PTCSC3: variants seen among roughly 807,000 people sequenced by gnomAD.
PTCSC3 encodes papillary thyroid carcinoma susceptibility candidate 3 (non-protein coding).
intron 3 of PTCSC3, among the ~76,000 whole-genome samples, chr14:36,145,210 G>T (rs1371226337): frequency 6.8e-6 from 1 of 147,808 alleles, no homozygotes; most frequent in African/African-American, 2.6e-5. Flanking sequence ...TTTTTCTGTT[G>T]ATTGGAATAG....
intron 1 of PTCSC3, chr14:36,164,030 A>C (rs1882033566): frequency 6.6e-6 from 1 of 152,234 alleles, no homozygotes; most frequent in Non-Finnish European, 1.5e-5. Flanking sequence ...TAATCAGGAC[A>C]GCAGAATTAC....
At chr14:36,151,668 C>CT (rs1881727572) in intron 3 of PTCSC3, among the ~76,000 whole-genome samples, 1 of 152,070 alleles carries the variant, frequency 6.6e-6, no homozygotes, top group East Asian at 1.9e-4. Context: ...AGTTCTTAGC[C>CT]TTTTTCTCCC....
At chr14:36,140,597 A>G (rs1297899834) in intron 3 of PTCSC3, among the ~76,000 whole-genome samples, 2 of 152,142 alleles carry the variant, frequency 1.3e-5, no homozygotes, top group Non-Finnish European at 2.9e-5. Context: ...TGCTGAACAT[A>G]TTTTCATATG....
At chr14:36,171,632 A>C (rs1882194409) in intron 1 of PTCSC3, among the ~76,000 whole-genome samples, 1 of 152,186 alleles carries the variant, frequency 6.6e-6, no homozygotes, top group African/African-American at 2.4e-5. Flanking sequence ...AAATGTGTAC[A>C]GTATTTGTAA....
intron 3 of PTCSC3, among the ~76,000 whole-genome samples, chr14:36,145,607 A>G (rs1438748239): frequency 1.0e-5 from 1 of 99,960 alleles, no homozygotes; most frequent in East Asian, 2.4e-4. Flanking sequence ...CTTTCAAAAA[A>G]CCAGCTCCTG....
chr14:36,144,824 A>G (rs373961823), intron 3 of PTCSC3, among the ~76,000 whole-genome samples: 1 of 14,490 alleles, frequency 6.9e-5, no homozygotes, highest in African/African-American at 2.4e-4. Context: ...ATTATTTTGA[A>G]ATACGTCCCA....
At chr14:36,176,703 C>T (rs1882294478), upstream of PTCSC3, among the ~76,000 whole-genome samples, 2 of 152,108 alleles carry the variant, frequency 1.3e-5, no homozygotes, top group Non-Finnish European at 2.9e-5. Flanking sequence ...TTCCTTCATG[C>T]CTGACGGTGA....
chr14:36,171,444 C>G (rs991798591), intron 1 of PTCSC3, among the ~76,000 whole-genome samples: 1 of 152,132 alleles, frequency 6.6e-6, no homozygotes, highest in Non-Finnish European at 1.5e-5. Flanking sequence ...ATCTGAATGT[C>G]ATTATTCTCC....
chr14:36,172,794 G>A (rs1261313771), intron 1 of PTCSC3, among the ~76,000 whole-genome samples: 1 of 151,984 alleles, frequency 6.6e-6, no homozygotes, highest in South Asian at 2.1e-4. Flanking sequence ...AGTAACTTAG[G>A]ATTTCTGTCA....
At chr14:36,166,135 C>T (rs1882082276) in intron 1 of PTCSC3, among the ~76,000 whole-genome samples, 1 of 146,330 alleles carries the variant, frequency 6.8e-6, no homozygotes, top group Non-Finnish European at 1.5e-5. Flanking sequence ...TCCATCCGTC[C>T]ACCTGTCTGT....
intron 3 of PTCSC3, among the ~76,000 whole-genome samples, chr14:36,151,146 T>C (rs1389669849): frequency 6.6e-6 from 1 of 152,208 alleles, no homozygotes; most frequent in African/African-American, 2.4e-5. Flanking sequence ...ATATTTTCAC[T>C]GGATATAGAA....
At chr14:36,164,035 A>C (rs564888205) in intron 1 of PTCSC3, 16 of 152,234 alleles carry the variant, frequency 1.1e-4, no homozygotes, top group Non-Finnish European at 2.2e-4. Context: ...AGGACAGCAG[A>C]ATTACAACAT....
intron 3 of PTCSC3, among the ~76,000 whole-genome samples, chr14:36,140,016 C>A (rs1247934112): frequency 6.6e-6 from 1 of 152,192 alleles, no homozygotes; most frequent in African/African-American, 2.4e-5. Flanking sequence ...AGAATCCATG[C>A]AACCATGGAC....
chr14:36,160,975 A>C (rs914903533), intron 2 of PTCSC3, among the ~76,000 whole-genome samples: 1 of 151,278 alleles, frequency 6.6e-6, no homozygotes, highest in African/African-American at 2.4e-5. Context: ...CATTAAGTTG[A>C]TCTTCAATCT....
intron 3 of PTCSC3, among the ~76,000 whole-genome samples, chr14:36,146,645 G>A (rs1385831347): frequency 6.6e-6 from 1 of 152,214 alleles, no homozygotes; most frequent in Admixed American, 6.5e-5. Context: ...TTTAATTGGA[G>A]CATTTAGTCC....
chr14:36,139,233 T>A (rs1276859103), intron 3 of PTCSC3, among the ~76,000 whole-genome samples: 1 of 151,980 alleles, frequency 6.6e-6, no homozygotes, highest in East Asian at 1.9e-4. Flanking sequence ...TGAAGGTAAT[T>A]GTGGAATATC....
At chr14:36,152,503 T>C (rs1351255684) in intron 3 of PTCSC3, among the ~76,000 whole-genome samples, 1 of 149,846 alleles carries the variant, frequency 6.7e-6, no homozygotes, top group Non-Finnish European at 1.5e-5. Context: ...AACCACAGAG[T>C]AGGTAAAGAT....
At chr14:36,154,811 G>C (rs1881795278) in intron 2 of PTCSC3, among the ~76,000 whole-genome samples, 1 of 152,312 alleles carries the variant, frequency 6.6e-6, no homozygotes, top group East Asian at 1.9e-4. Context: ...GGATATCCAA[G>C]TAGAGATGTC....
intron 3 of PTCSC3, among the ~76,000 whole-genome samples, chr14:36,137,112 A>G (rs1011277847): frequency 6.6e-6 from 1 of 152,210 alleles, no homozygotes. Context: ...AGGGTGGATA[A>G]GGATGGCTTC....
Sources: allele counts gnomAD v4.1 joint callset (sites outside exome capture counted in the v4.1 genomes callset), GRCh38; gene constraint gnomAD v4.1.1; transcripts MANE v1.5; gene names NCBI Gene and HGNC (gene_info 2026-07-23, HGNC 2026-07-21).